The following MALRD1 variants were observed in gnomAD, a reference collection of about 807,000 sequenced individuals.
MALRD1 encodes MAM and LDL-receptor class A domain-containing protein 1.
MALRD1 carries 247 observed loss-of-function variants against 242.1 expected under a neutral mutation model. That is an observed-to-expected ratio of 1.02 (90% confidence interval 0.92 to 1.13). The LOEUF is 1.13. Among genes scored for constraint, MALRD1 ranks in the 50% most tolerant of loss-of-function variants. The pLI, the probability that MALRD1 is intolerant of heterozygous loss-of-function variation, is 0.00. For synonymous variants in MALRD1, 995 were observed against 866.6 expected (o/e 1.15, Z -2.60); for missense variants, 2,989 against 2,533.1 (o/e 1.18, Z -3.86).
chr10:19,104,802 T>C (rs1836406276), intron 5 of MALRD1, among the ~76,000 whole-genome samples: 1 of 152,106 alleles, frequency 6.6e-6, no homozygotes, highest in Admixed American at 6.6e-5. Flanking sequence ...TGGTAAATGA[T>C]ATTTCAAGAC....
intron 21 of MALRD1, among the ~76,000 whole-genome samples, chr10:19,307,210 T>C (rs1426769265): frequency 6.6e-6 from 1 of 150,696 alleles, no homozygotes; most frequent in Non-Finnish European, 1.5e-5. Context: ...ACATAACTAT[T>C]CTCAGCTACA....
chr10:19,208,540 C>T (rs996042773), intron 17 of MALRD1, among the ~76,000 whole-genome samples: 7 of 152,058 alleles, frequency 4.6e-5, no homozygotes, highest in Non-Finnish European at 1.0e-4. Flanking sequence ...GGCACTGATG[C>T]GTAGGGACTC....
At chr10:19,376,527 A>G (rs1377282545) in intron 26 of MALRD1, among the ~76,000 whole-genome samples, 2 of 150,198 alleles carry the variant, frequency 1.3e-5, no homozygotes, top group East Asian at 3.9e-4. Context: ...TTGAAAGTCA[A>G]GGAGTTGATA....
intron 36 of MALRD1, among the ~76,000 whole-genome samples, chr10:19,688,453 GTC>G (rs201367202): frequency 6.6e-6 from 1 of 151,622 alleles, no homozygotes; most frequent in Non-Finnish European, 1.5e-5. Flanking sequence ...TGTAAAGAAG[GTC>G]TCTCCCTGTT....
intron 29 of MALRD1, among the ~76,000 whole-genome samples, chr10:19,461,997 T>C (rs940518013): frequency 3.3e-5 from 5 of 152,150 alleles, no homozygotes; most frequent in Non-Finnish European, 5.9e-5. Context: ...TTGGGTCAAA[T>C]GGTCACCCTC....
At chr10:19,700,443 T>C (rs908103009) in intron 38 of MALRD1, among the ~76,000 whole-genome samples, 7 of 152,140 alleles carry the variant, frequency 4.6e-5, no homozygotes, top group Non-Finnish European at 8.8e-5. Flanking sequence ...TGACCATAAA[T>C]TTATGAAATT....
intron 38 of MALRD1, chr10:19,722,036 G>A (rs1220398332): frequency 6.6e-6 from 1 of 152,218 alleles, no homozygotes; most frequent in African/African-American, 2.4e-5. Flanking sequence ...GAAGTTAGTG[G>A]ACTTCATTTC....
intron 18 of MALRD1, among the ~76,000 whole-genome samples, chr10:19,225,209 T>C (rs761786908): frequency 5.9e-4 from 90 of 152,148 alleles, no homozygotes; most frequent in Admixed American, 5.1e-3. Flanking sequence ...ATGAATGAAG[T>C]CTGCTATGGT....
intron 1 of MALRD1, among the ~76,000 whole-genome samples, chr10:19,065,239 A>G (rs562731119): frequency 7.4e-6 from 1 of 135,392 alleles, no homozygotes; most frequent in Non-Finnish European, 1.5e-5. Flanking sequence ...GTGAGCCAAG[A>G]TCGTGCCATT....
At chr10:19,390,801 G>T (rs1041982851) in intron 28 of MALRD1, among the ~76,000 whole-genome samples, 7 of 152,086 alleles carry the variant, frequency 4.6e-5, no homozygotes, top group Non-Finnish European at 7.4e-5. Flanking sequence ...TTGGAAACCA[G>T]AATTGACTTT....
At chr10:19,493,749 G>A (rs1427847780) in intron 30 of MALRD1, among the ~76,000 whole-genome samples, 1 of 151,980 alleles carries the variant, frequency 6.6e-6, no homozygotes, top group African/African-American at 2.4e-5. Flanking sequence ...GGAGGTGGAG[G>A]TTGCAGTGAG....
intron 29 of MALRD1, among the ~76,000 whole-genome samples, chr10:19,472,781 CTTTCT>C (rs1304515765): frequency 6.6e-6 from 1 of 151,168 alleles, no homozygotes; most frequent in Non-Finnish European, 1.5e-5. Context: ...GTTATCTGGC[CTTTCT>C]AAGTCTAGCT....
chr10:19,446,705 A>G (rs775128925), intron 28 of MALRD1, among the ~76,000 whole-genome samples: 134 of 152,218 alleles, frequency 8.8e-4, no homozygotes, highest in Middle Eastern at 3.2e-3. Flanking sequence ...ATCAATTCAA[A>G]ATTTGGAAAA....
chr10:19,643,718 T>C (rs1455154308), intron 36 of MALRD1, among the ~76,000 whole-genome samples: 1 of 152,180 alleles, frequency 6.6e-6, no homozygotes, highest in Non-Finnish European at 1.5e-5. Flanking sequence ...CCAGAAACAC[T>C]GCCTATTCTG....
At chr10:19,431,288 G>T (rs535053541) in intron 28 of MALRD1, among the ~76,000 whole-genome samples, 6 of 152,022 alleles carry the variant, frequency 3.9e-5, no homozygotes, top group East Asian at 3.9e-4. Context: ...TTAGCGTAAG[G>T]TTCATTTTTT....
At chr10:19,548,810 G>T (rs1238080139) in intron 32 of MALRD1, among the ~76,000 whole-genome samples, 2 of 152,164 alleles carry the variant, frequency 1.3e-5, no homozygotes. Flanking sequence ...GTCTTTAAGT[G>T]TTCAAGCGAA....
chr10:19,235,613 A>AGAGAGAGAGG (rs769851042), intron 18 of MALRD1, among the ~76,000 whole-genome samples: 1 of 143,740 alleles, frequency 7.0e-6, no homozygotes, highest in Admixed American at 7.1e-5. Context: ...AGAGAGAGAG[A>AGAGAGAGAGG]GCGCCTAGGT....
chr10:19,350,107 C>T (rs1376868937), intron 25 of MALRD1, among the ~76,000 whole-genome samples: 1 of 151,876 alleles, frequency 6.6e-6, no homozygotes, highest in African/African-American at 2.4e-5. Flanking sequence ...GCAGATTGAC[C>T]TCCCAGATTT....
chr10:19,470,030 A>G (rs1389022681), intron 29 of MALRD1, among the ~76,000 whole-genome samples: 1 of 152,040 alleles, frequency 6.6e-6, no homozygotes, highest in Non-Finnish European at 1.5e-5. Context: ...TGGAGGCACT[A>G]TACAATATAG....
Sources: allele counts gnomAD v4.1 joint callset (sites outside exome capture counted in the v4.1 genomes callset), GRCh38; gene constraint gnomAD v4.1.1; transcripts MANE v1.5; gene names NCBI Gene and HGNC (gene_info 2026-07-23, HGNC 2026-07-21).